SPIDR: variants seen among roughly 807,000 people sequenced by gnomAD.
The protein encoded by SPIDR is DNA repair-scaffolding protein.
A neutral mutation model predicts 104.6 loss-of-function variants in SPIDR; 93 were observed. The ratio of observed to expected loss-of-function variants is 0.89; its 90% confidence interval spans 0.75 to 1.06. The LOEUF (loss-of-function observed/expected upper bound fraction) is 1.06, where lower values mean the gene tolerates loss of function less well. Among genes scored for constraint, SPIDR ranks in the 50% least tolerant of loss-of-function variants. The probability of loss-of-function intolerance (pLI) is 0.00; values close to 1 mark genes in which losing one functional copy is unlikely to be tolerated. For synonymous variants in SPIDR, 431 were observed against 416.9 expected, an observed-to-expected ratio of 1.03 and a Z score of -0.41; for missense variants, 1,154 against 1,111.2, an observed-to-expected ratio of 1.04 and a Z score of -0.55.
chr8:47,300,680 T>C (rs587673340), intron 5 of SPIDR, among the ~76,000 whole-genome samples: 96 of 152,358 alleles, frequency 6.3e-4, no homozygotes, highest in Middle Eastern at 6.8e-3. Flanking sequence ...AGAACATCTT[T>C]ATTTCTGCCT....
intron 8 of SPIDR, among the ~76,000 whole-genome samples, chr8:47,529,171 T>C (rs1243028136): frequency 6.6e-6 from 1 of 152,080 alleles, no homozygotes; most frequent in African/African-American, 2.4e-5. Flanking sequence ...CCTGTAATCC[T>C]AACACTTTGG....
chr8:47,732,200 G>C, intron 19 of SPIDR: 2 of 702,582 alleles, frequency 2.8e-6, no homozygotes, highest in African/African-American at 1.7e-5. Context: ...TAAGGTGCTT[G>C]TTCCTCCTAC....
intron 1 of SPIDR, among the ~76,000 whole-genome samples, chr8:47,266,415 C>T (rs2034059288): frequency 1.3e-5 from 2 of 152,152 alleles, no homozygotes; most frequent in South Asian, 4.1e-4. Context: ...GGATTACAGG[C>T]ATGAGCCACT....
rs1209062256 is a variant in SPIDR, at chr8:47,703,165, C to T, written c.1977+1150C>T. The stretch of plus-strand genomic sequence containing the variant: ...ACGCTTGTTAGGAATCTCTTCAAAG[C>T]ATTCATGGTTGCATACAACCCAATT... On this transcript the variant is annotated intron_variant, in intron 14 of 19. Transcript: ENST00000297423. Among the ~76,000 whole-genome samples, 3 of 152,236 alleles carry T rather than the reference C, an allele frequency of 2.0e-5. No individual in the cohort carries two copies. The East Asian group carries it at 5.8e-4, about 29-fold the overall frequency.
chr8:47,525,615 A>G lies in SPIDR; in HGVS notation c.1098-70196A>G, dbSNP rs1376794897. On this transcript the variant is annotated intron_variant, in intron 8 of 19. Coordinates refer to ENST00000297423, the MANE Select transcript of SPIDR (RefSeq NM_001080394.4). ...CAGGAGTTCGAGACCAGCCTGGCCA[A>G]CATGGTGAAACCCCATCTCTACCAA... Among the ~76,000 whole-genome samples, 5 of 152,274 alleles carry G rather than the reference A, an allele frequency of 3.3e-5. No individual in the cohort carries two copies. In the South Asian group the frequency reaches 1.0e-3, roughly 32 times the overall value.
chr8:47,466,416 A>G (rs1180638457), intron 8 of SPIDR, among the ~76,000 whole-genome samples: 1 of 152,226 alleles, frequency 6.6e-6, no homozygotes, highest in African/African-American at 2.4e-5. Context: ...CTGCTCCTGA[A>G]TGATTTCTGG....
intron 10 of SPIDR, among the ~76,000 whole-genome samples, chr8:47,636,231 C>T (rs1306068782): frequency 6.6e-6 from 1 of 152,196 alleles, no homozygotes; most frequent in Non-Finnish European, 1.5e-5. Context: ...TGTTTCAGGA[C>T]ACCACCAACC....
intron 5 of SPIDR, among the ~76,000 whole-genome samples, chr8:47,309,409 G>T (rs1213953390): frequency 6.6e-6 from 1 of 152,168 alleles, no homozygotes; most frequent in Non-Finnish European, 1.5e-5. Flanking sequence ...GCATTTTCGG[G>T]CTTTTATTCT....
intron 6 of SPIDR, among the ~76,000 whole-genome samples, chr8:47,403,344 G>T (rs2062195406): frequency 6.6e-6 from 1 of 152,218 alleles, no homozygotes; most frequent in Non-Finnish European, 1.5e-5. Flanking sequence ...AGCGTTGGAA[G>T]TTCTGGCCAG....
At chr8:47,304,068 G>A (rs2042715301) in intron 5 of SPIDR, among the ~76,000 whole-genome samples, 1 of 151,746 alleles carries the variant, frequency 6.6e-6, no homozygotes, top group Non-Finnish European at 1.5e-5. Context: ...ATTCTTGTCT[G>A]GGTTTTTATA....
At chr8:47,315,030 A>T (rs1554588609) in intron 5 of SPIDR, among the ~76,000 whole-genome samples, 1 of 152,206 alleles carries the variant, frequency 6.6e-6, no homozygotes, top group Non-Finnish European at 1.5e-5. Flanking sequence ...AGTACTGGAG[A>T]TAAAGAAGGG....
At chr8:47,360,818 C>G in intron 5 of SPIDR, 1 of 985,356 alleles carries the variant, frequency 1.0e-6, no homozygotes, top group Non-Finnish European at 1.2e-6. Flanking sequence ...AGTTTGTGTC[C>G]AGTGCTTGAA....
intron 5 of SPIDR, among the ~76,000 whole-genome samples, chr8:47,330,263 A>T (rs1395992278): frequency 1.3e-5 from 2 of 152,026 alleles, no homozygotes; most frequent in Non-Finnish European, 2.9e-5. Context: ...GAGGTATCCC[A>T]TAATTCCCTC....
intron 5 of SPIDR, among the ~76,000 whole-genome samples, chr8:47,392,795 T>C (rs2060757317): frequency 6.6e-6 from 1 of 152,246 alleles, no homozygotes; most frequent in Non-Finnish European, 1.5e-5. Context: ...AATATGCCTA[T>C]CCAAACTTTC....
chr8:47,491,650 G>C (rs1554739721), intron 8 of SPIDR, among the ~76,000 whole-genome samples: 1 of 152,078 alleles, frequency 6.6e-6, no homozygotes, highest in Non-Finnish European at 1.5e-5. Flanking sequence ...GTTCAGAGTT[G>C]CTGTTCTCTG....
chr8:47,729,292 CTG>C, intron 18 of SPIDR, 118 bp from the exon 19 acceptor site: 1 of 1,459,000 alleles, frequency 6.9e-7, no homozygotes, highest in Non-Finnish European at 9.2e-7. Context: ...GGCCGTGAGA[CTG>C]AAGCTCTGAA....
intron 10 of SPIDR, chr8:47,654,200 AC>A: frequency 7.8e-7 from 1 of 1,282,674 alleles, no homozygotes; most frequent in Non-Finnish European, 1.0e-6. Flanking sequence ...TGTAGCAGCA[AC>A]CTGCAGGAGG....
chr8:47,432,548 G>A (rs2067548675), intron 7 of SPIDR, among the ~76,000 whole-genome samples: 1 of 152,116 alleles, frequency 6.6e-6, no homozygotes, highest in African/African-American at 2.4e-5. Context: ...TGGTTTAATA[G>A]ATGAAATTGT....
At chr8:47,729,512 G>A (rs761623730) in intron 19 of SPIDR, 47 bp downstream of exon 19, 4 of 1,559,528 alleles carry the variant, frequency 2.6e-6, no homozygotes, top group Non-Finnish European at 3.5e-6. Context: ...TCAGTAGCCT[G>A]CATGAGCAAC....
Sources: allele counts gnomAD v4.1 joint callset (sites outside exome capture counted in the v4.1 genomes callset), GRCh38; gene constraint gnomAD v4.1.1; transcripts MANE v1.5; gene names NCBI Gene and HGNC (gene_info 2026-07-23, HGNC 2026-07-21).